The following SCNM1 variants were observed in gnomAD, a reference collection of about 807,000 sequenced individuals.
The protein encoded by SCNM1 is sodium channel modifier 1.
A neutral mutation model predicts 32.8 loss-of-function variants in SCNM1; 24 were observed. That is an observed-to-expected ratio of 0.73 (90% confidence interval 0.53 to 1.03). The LOEUF (loss-of-function observed/expected upper bound fraction) is 1.03. SCNM1 is among the 50% of genes least tolerant of loss of function. SCNM1 has a pLI of 0.00. For synonymous variants in SCNM1, 99 were observed against 103.2 expected, an observed-to-expected ratio of 0.96 and a Z score of 0.25; for missense variants, 274 against 282.3, an observed-to-expected ratio of 0.97 and a Z score of 0.21.
intron 6 of SCNM1, 31 bp downstream of exon 6, chr1:151,168,369 T>C (rs749162138): frequency 1.9e-6 from 3 of 1,545,926 alleles, no homozygotes; most frequent in Non-Finnish European, 2.6e-6. Flanking sequence ...TCCTCAGATT[T>C]TCTTTTCTCT....
In SCNM1 at chr1:151,169,240, CTTTTTTTTTTTT is replaced by C. The variant is rs5777765; in HGVS notation, c.*166_*177del. On this transcript the variant is annotated 3_prime_UTR_variant, in exon 7 of 7. Coordinates refer to ENST00000368905, the MANE Select transcript of SCNM1 (RefSeq NM_024041.4). Reference sequence around the variant, plus strand: ...GCAAGGTACACAGCTCTCCACACTCCTTTTTTTTTTTTTTTTTTTTTTGAGGCAGAGTCTCGC... The same window carrying C: ...GCAAGGTACACAGCTCTCCACACTCCTTTTTTTTTTGAGGCAGAGTCTCGC... 7 of 282,580 alleles carry C rather than the reference CTTTTTTTTTTTT, an allele frequency of 2.5e-5. No individual in the cohort carries two copies. The highest frequency in any genetic ancestry group is 8.7e-5 in the South Asian group (2 of 22,902). 17.5% of individuals were successfully genotyped at this position (282,580 alleles called of 1,614,324 possible).
Position 151,170,241 on chromosome 1 carries a change from TAACAA to T in SCNM1, c.*1167_*1171del, listed in dbSNP as rs1320039948. 8 of 1,001,874 alleles carry T rather than the reference TAACAA, an allele frequency of 8.0e-6. No individual in the cohort carries two copies. The highest frequency in any genetic ancestry group is 2.4e-5 in the East Asian group (1 of 41,034). The allele number at this position is 1,001,874 out of a possible 1,614,324, so 62.1% of individuals were successfully genotyped here. A position where few individuals can be genotyped will look rare whatever the true frequency, so the allele number is the denominator to read the frequency against. On this transcript the variant is annotated 3_prime_UTR_variant, in exon 7 of 7. Coordinates refer to ENST00000368905, the MANE Select transcript of SCNM1 (RefSeq NM_024041.4). ...GCCACCTTACAGGCCCATCCCACAT[TAACAA>T]AACAAAACAAGAAACCACACCACAA... is the stretch of plus-strand genomic sequence containing the variant.
chr1:151,167,267 A>C, intron 4 of SCNM1, 49 bp downstream of exon 4: 1 of 1,614,014 alleles, frequency 6.2e-7, no homozygotes, highest in African/African-American at 1.3e-5. Flanking sequence ...TGCTGCACAC[A>C]CCAGGCTGGA....
chr1:151,167,271 G>A (rs376233937), intron 4 of SCNM1, 53 bp downstream of exon 4: 60 of 1,613,886 alleles, frequency 3.7e-5, no homozygotes, highest in Non-Finnish European at 5.0e-5. Context: ...GCACACACCA[G>A]GCTGGAAGGG....
Position 151,167,783 on chromosome 1 carries a change from G to A in SCNM1, c.399-361G>A, listed in dbSNP as rs587743896. 9.3e-5 allele frequency: 31 copies of A among 333,994 alleles called. 1 individual carries two copies. The Admixed American group carries it at 9.7e-4, about 10-fold the overall frequency. 20.7% of individuals were successfully genotyped at this position (333,994 alleles called of 1,614,324 possible). On this transcript the variant is annotated intron_variant, in intron 5 of 6. Transcript: ENST00000368905. ...GGAGACAGAGGTTGCAGTGAGCCAC[G>A]GTCACACCACTTCACTCCAGCCTGG...
Position 151,168,275 on chromosome 1 carries a change from C to G in SCNM1, c.530C>G (p.Ser177Ter), listed in dbSNP as rs1440895036. 6.2e-7 allele frequency: 1 copy of G among 1,614,218 alleles called. No individual in the cohort carries two copies. Among genetic ancestry groups the G allele is most frequent in the Admixed American group, 1.7e-5 (1 of 60,020 alleles). ...CAGGCCGAGGAGTCAGCAACTGTCT[C>G]AGCCCCTGCACCCATGAGCCCCACA... is the stretch of plus-strand genomic sequence containing the variant. ...GPQAEESATVSAPAPMSPTRR... is the reference protein window; with the variant it reads ...GPQAEESATV Residue 177 changes from serine to a stop codon, truncating the protein, a stop_gained, in exon 6 of 7, where the codon TCA becomes TGA. Coordinates refer to ENST00000368905, the MANE Select transcript of SCNM1 (RefSeq NM_024041.4). LOFTEE classifies it high-confidence loss of function.
chr1:151,168,656 C>T (rs1222517729), intron 6 of SCNM1, among the ~76,000 whole-genome samples: 1 of 152,116 alleles, frequency 6.6e-6, no homozygotes, highest in Non-Finnish European at 1.5e-5. Context: ...GATCCACCTG[C>T]CTCAGTTTCC....
In SCNM1 at chr1:151,167,420, G is replaced by A. The variant is rs1683758130; in HGVS notation, c.398+6G>A. 2 of 1,614,176 alleles carry A rather than the reference G, an allele frequency of 1.2e-6. No homozygotes were observed. The highest frequency in any genetic ancestry group is 1.7e-6 in the Non-Finnish European group (2 of 1,180,046). ...TGCTGCCGCCGGAAGTACAGGTATG[G>A]GACGGGAAAGCCAGAGGTAGGAAGG... On this transcript the variant is annotated splice_donor_region_variant and intron_variant, in intron 5 of 6. Coordinates refer to ENST00000368905, the MANE Select transcript of SCNM1 (RefSeq NM_024041.4).
In SCNM1 at chr1:151,166,525, A is replaced by G. The variant is rs151069031; in HGVS notation, c.106A>G (p.Met36Val). 1.9e-6 allele frequency: 3 copies of G among 1,613,886 alleles called. No homozygotes were observed. The highest frequency in any genetic ancestry group is 3.3e-5 in the Admixed American group (2 of 59,994). ...ASYIPEDEAL[M>V]LRDGRFACAI... The stretch of plus-strand genomic sequence containing the variant: ...TTACATTCCAGAGGATGAGGCGCTG[A>G]TGCTTCGGGATGGACGGTAAGAGCA... Residue 36 changes from methionine (M) to valine (V), a missense_variant, in exon 2 of 7, where the codon ATG becomes GTG. By Grantham distance (21) the Met-to-Val change is conservative. Coordinates refer to ENST00000368905, the MANE Select transcript of SCNM1 (RefSeq NM_024041.4).
rs587764318 is a variant in SCNM1 at position 151,169,725 on chromosome 1, G to A, written c.*640G>A. On this transcript the variant is annotated 3_prime_UTR_variant, in exon 7 of 7. Transcript: ENST00000368905. ...TCCCCCTTCAAATCACATAAGGACT[G>A]CAGGTAGGCACTAGGGGGACCTGGC... 12 of 297,752 alleles carry A rather than the reference G, an allele frequency of 4.0e-5. No homozygotes were observed. In the East Asian group the frequency reaches 9.4e-4, roughly 23 times the overall value. The allele number at this position is 297,752 out of a possible 1,614,324, so 18.4% of individuals were successfully genotyped here. A position where few individuals can be genotyped will look rare whatever the true frequency, so the allele number is the denominator to read the frequency against.
At chr1:151,166,241 C>A in intron 1 of SCNM1, 38 bp downstream of exon 1, 1 of 1,571,808 alleles carries the variant, frequency 6.4e-7, no homozygotes, top group South Asian at 1.2e-5. Context: ...CCGCTTCAGT[C>A]GCTCCCTGAA....
chr1:151,166,369 A>G, intron 1 of SCNM1, 102 bp from the exon 2 acceptor site: 2 of 1,558,898 alleles, frequency 1.3e-6, no homozygotes, highest in Non-Finnish European at 1.7e-6. Context: ...TGTTCTCCCC[A>G]GGGTCCTTAT....
At chr1:151,166,881 G>A (rs587758355) in intron 2 of SCNM1, 53 bp from the exon 3 acceptor site, 4 of 1,609,744 alleles carry the variant, frequency 2.5e-6, no homozygotes, top group Non-Finnish European at 3.4e-6. Flanking sequence ...TGGCAGGGAC[G>A]GGCCCAACCC....
chr1:151,166,431 C>T, intron 1 of SCNM1, 40 bp from the exon 2 acceptor site: 1 of 1,613,118 alleles, frequency 6.2e-7, no homozygotes, highest in Non-Finnish European at 8.5e-7. Flanking sequence ...CTCTCCTATC[C>T]CGCTGATCCC....
chr1:151,168,412 CTT>C (rs373666513), intron 6 of SCNM1, 74 bp downstream of exon 6: 3,776 of 1,188,274 alleles, frequency 3.2e-3, no homozygotes, highest in South Asian at 8.0e-3. Flanking sequence ...ATTGTTTTTC[CTT>C]TTTTTTTTTT....
Position 151,169,227 on chromosome 1 carries a change from G to A in SCNM1, c.*142G>A. ...CTACTCCTTGCCTGCAAGGTACACAGCTCTCCACACTCCTTTTTTTTTTTT... is the reference window on the plus strand; with the variant it reads ...CTACTCCTTGCCTGCAAGGTACACAACTCTCCACACTCCTTTTTTTTTTTT... On this transcript the variant is annotated 3_prime_UTR_variant, in exon 7 of 7. Transcript: ENST00000368905. The A allele has an allele frequency of 3.4e-6, 2 of 592,322 alleles. No homozygotes were observed. The highest frequency in any genetic ancestry group is 5.5e-6 in the Non-Finnish European group (2 of 360,454). The allele number at this position is 592,322 out of a possible 1,614,324, so 36.7% of individuals were successfully genotyped here. A position where few individuals can be genotyped will look rare whatever the true frequency, so the allele number is the denominator to read the frequency against.
intron 1 of SCNM1, 21 bp downstream of exon 1, chr1:151,166,224 T>C (rs1357522201): frequency 6.3e-7 from 1 of 1,584,468 alleles, no homozygotes; most frequent in Non-Finnish European, 8.6e-7. Context: ...GCGGAGAGGA[T>C]CTGGAGCCGC....
chr1:151,166,694 G>T (rs1558204863), intron 2 of SCNM1, 153 bp downstream of exon 2: 4 of 1,349,386 alleles, frequency 3.0e-6, no homozygotes, highest in Non-Finnish European at 4.0e-6. Flanking sequence ...TCAGCGTCGC[G>T]ATTAGCTGGG....
chr1:151,166,977 C>G lies in SCNM1; in HGVS notation c.166C>G (p.Leu56Val). 1 of 1,614,112 alleles carries G rather than the reference C, an allele frequency of 6.2e-7. No individual in the cohort carries two copies. Among genetic ancestry groups the G allele is most frequent in the South Asian group, 1.1e-5 (1 of 91,068 alleles). The change falls in exon 3 of 7, where the codon CTG becomes GTG. Residue 56 changes from leucine (L) to valine (V), a missense_variant. By Grantham distance (32) the Leu-to-Val change is conservative (BLOSUM62 1). Coordinates refer to ENST00000368905, the MANE Select transcript of SCNM1 (RefSeq NM_024041.4). Reference sequence around the variant, plus strand: ...CCCCCATCGACCGGTACTGGACACCCTGGCCATGCTGACTGCCCACCGTGC... The same window carrying G: ...CCCCCATCGACCGGTACTGGACACCGTGGCCATGCTGACTGCCCACCGTGC... ...ICPHRPVLDT[L>V]AMLTAHRAGK...
Sources: gnomAD v4.1 joint callset for allele counts (sites outside exome capture counted in the v4.1 genomes callset) on GRCh38, gnomAD v4.1.1 for gene constraint, MANE v1.5 for transcripts, NCBI Gene and HGNC (gene_info 2026-07-23, HGNC 2026-07-21) for gene names.